Variants in SLC22A11 observed in about 807,000 individuals in gnomAD.
The protein encoded by SLC22A11 is solute carrier family 22 member 11.
A neutral mutation model predicts 49.4 loss-of-function variants in SLC22A11; 42 were observed. The observed-to-expected ratio is 0.85, with a 90% CI of 0.66 to 1.10. The LOEUF is 1.10. SLC22A11 is among the 50% of genes least tolerant of loss of function. The probability of loss-of-function intolerance (pLI) is 0.00; values close to 1 mark genes in which losing one functional copy is unlikely to be tolerated. For missense variants in SLC22A11, 685 were observed against 731.6 expected, an observed-to-expected ratio of 0.94 and a Z score of 0.74; for synonymous variants, 304 against 315.8, an observed-to-expected ratio of 0.96 and a Z score of 0.40.
intron 2 of SLC22A11, among the ~76,000 whole-genome samples, chr11:64,559,466 G>C (rs1015194756): frequency 1.3e-5 from 2 of 151,908 alleles, no homozygotes; most frequent in Non-Finnish European, 2.9e-5. Context: ...TCACAGGGAG[G>C]CCACCCCAGG....
Position 64,571,420 on chromosome 11 carries a change from A to T in SLC22A11, c.*378A>T, listed in dbSNP as rs2038702110. 1 of 211,786 alleles carries T rather than the reference A, an allele frequency of 4.7e-6. No individual in the cohort carries two copies. The highest frequency in any genetic ancestry group is 9.5e-6 in the Non-Finnish European group (1 of 104,934). 13.1% of individuals were successfully genotyped at this position (211,786 alleles called of 1,614,324 possible). On this transcript the variant is annotated 3_prime_UTR_variant, in exon 10 of 10. Coordinates refer to ENST00000301891, the MANE Select transcript of SLC22A11 (RefSeq NM_018484.4). ...TCACCCCACCACATACAGAGCCCTC[A>T]TCTGTGAAATGAGAATGATCACGTG...
intron 6 of SLC22A11, 106 bp from the exon 7 acceptor site, chr11:64,567,493 G>A (rs556776712): frequency 1.1e-5 from 11 of 1,004,262 alleles, no homozygotes; most frequent in African/African-American, 3.2e-5. Context: ...ATTGTCCTCC[G>A]GGGTTGGCCA....
intron 2 of SLC22A11, 51 bp from the exon 3 acceptor site, chr11:64,561,953 A>C (rs777447197): frequency 6.4e-7 from 1 of 1,561,930 alleles, no homozygotes; most frequent in Non-Finnish European, 8.7e-7. Flanking sequence ...CCACATATCC[A>C]CGTCCTCAGG....
At chr11:64,560,797 T>A (rs1290765298) in intron 2 of SLC22A11, among the ~76,000 whole-genome samples, 1 of 152,170 alleles carries the variant, frequency 6.6e-6, no homozygotes, top group African/African-American at 2.4e-5. Context: ...CACGCAGTCA[T>A]TATTTCATGA....
intron 2 of SLC22A11, among the ~76,000 whole-genome samples, chr11:64,561,599 GCTAA>G (rs2038544908): frequency 6.7e-6 from 1 of 150,034 alleles, no homozygotes; most frequent in African/African-American, 2.5e-5. Context: ...CAGACACCTG[GCTAA>G]TTTATTTATT....
rs2038603032 is a variant in SLC22A11, at chr11:64,564,978, T to C, written c.943-244T>C. On this transcript the variant is annotated intron_variant, in intron 5 of 9. Transcript: ENST00000301891. This position sits in a 1 kb window ranked among gnomAD's most constrained non-coding sequence, Gnocchi z 4.2. ...ATGGGGTCGGAGGATAAGGGAAGGC[T>C]TCCAGAAGGAGGCAAGCTAGAGCTG... is the stretch of plus-strand genomic sequence containing the variant. 6.6e-6 allele frequency among the ~76,000 whole-genome samples: 1 copy of C among 152,158 alleles called. No individual in the cohort carries two copies. The highest frequency in any genetic ancestry group is 1.5e-5 in the Non-Finnish European group (1 of 68,014).
chr11:64,565,129 G>C lies in SLC22A11; in HGVS notation c.943-93G>C, dbSNP rs980518059. On this transcript the variant is annotated intron_variant, in intron 5 of 9. Transcript: ENST00000301891. The surrounding 1 kb of genome is among the most constrained non-coding windows in gnomAD (Gnocchi z 4.1). The stretch of plus-strand genomic sequence containing the variant: ...GGCCGAGGCCCAGGACAGGCTCCCC[G>C]TCACTCTGGCCACTTGGACACTGTT... 7 of 1,012,810 alleles carry C rather than the reference G, an allele frequency of 6.9e-6. No homozygotes were observed. The highest frequency in any genetic ancestry group is 1.0e-5 in the Non-Finnish European group (7 of 695,908). 62.7% of individuals were successfully genotyped at this position (1,012,810 alleles called of 1,614,324 possible).
chr11:64,565,128 C>T lies in SLC22A11; in HGVS notation c.943-94C>T, dbSNP rs536042638. 97 of 999,680 alleles carry T rather than the reference C, an allele frequency of 9.7e-5. No homozygotes were observed. The East Asian group carries it at 2.0e-3, about 21-fold the overall frequency. 61.9% of individuals were successfully genotyped at this position (999,680 alleles called of 1,614,324 possible). A position where few individuals can be genotyped will look rare whatever the true frequency, so the allele number is the denominator to read the frequency against. ...AGGCCGAGGCCCAGGACAGGCTCCC[C>T]GTCACTCTGGCCACTTGGACACTGT... On this transcript the variant is annotated intron_variant, in intron 5 of 9. Coordinates refer to ENST00000301891, the MANE Select transcript of SLC22A11 (RefSeq NM_018484.4). This position sits in a 1 kb window ranked among gnomAD's most constrained non-coding sequence, Gnocchi z 4.1.
In SLC22A11 at chr11:64,562,309, C is replaced by T. The variant is rs116034381; in HGVS notation, c.695C>T (p.Thr232Met). 2.4e-4 allele frequency: 393 copies of T among 1,610,532 alleles called. 1 individual carries two copies. The African/African-American group carries it at 4.1e-3, about 17-fold the overall frequency. The change falls in exon 4 of 10, where the codon ACG becomes ATG. Residue 232 changes from threonine (T) to methionine (M), a missense_variant. Thr to Met is a moderately conservative substitution (Grantham distance 81, BLOSUM62 -1). Coordinates refer to ENST00000301891, the MANE Select transcript of SLC22A11 (RefSeq NM_018484.4). The surrounding 1 kb of genome is among the most constrained non-coding windows in gnomAD (Gnocchi z 4.4). ...ACCAGCAGGAGGGCGGTCACCATGA[C>T]GGTGGTGGGATGTGCCTTCAGCGCA... is the stretch of plus-strand genomic sequence containing the variant. ...TTTSRRAVTM[T>M]VVGCAFSAGQ... is the part of the protein sequence containing the mutation.
At chr11:64,556,435 G>A (rs755912220) in intron 1 of SLC22A11, 43 bp downstream of exon 1, 2 of 1,596,740 alleles carry the variant, frequency 1.3e-6, no homozygotes, top group South Asian at 2.2e-5. Flanking sequence ...TCACCTTGGA[G>A]GTCAGAGTCA....
intron 7 of SLC22A11, among the ~76,000 whole-genome samples, 187 bp from the exon 8 acceptor site, chr11:64,568,483 C>A (rs2038659701): frequency 6.6e-6 from 1 of 152,240 alleles, no homozygotes; most frequent in African/African-American, 2.4e-5. Flanking sequence ...CGGGCCCCTG[C>A]CGCGATATCG....
In SLC22A11 at chr11:64,567,748, C is replaced by T; in HGVS notation, c.1208C>T (p.Thr403Ile). 6.2e-7 allele frequency: 1 copy of T among 1,613,180 alleles called. No homozygotes were observed. Among genetic ancestry groups the T allele is most frequent in the Non-Finnish European group, 8.5e-7 (1 of 1,179,908 alleles). ...ALLLSFLGRR[T>I]IQAGSQAMAG... Reference sequence around the variant, plus strand: ...TTGCTCAGTTTCCTTGGCCGCCGCACCATCCAGGCGGGTTCCCAGGCCATG... The same window carrying T: ...TTGCTCAGTTTCCTTGGCCGCCGCATCATCCAGGCGGGTTCCCAGGCCATG... The change falls in exon 7 of 10, where the codon ACC (threonine) becomes ATC (isoleucine). Residue 403 changes from threonine (T) to isoleucine (I), a missense_variant. Transcript: ENST00000301891.
rs748468147 is a variant in SLC22A11, at chr11:64,572,578, C to T, written c.*1536C>T. On this transcript the variant is annotated 3_prime_UTR_variant, in exon 10 of 10. Coordinates refer to ENST00000301891, the MANE Select transcript of SLC22A11 (RefSeq NM_018484.4). Reference sequence around the variant, plus strand: ...CACAGCTCCCAAATCCACCTACTTCCCTTCACTCTGGCTACACCCTGGTTC... The same window carrying T: ...CACAGCTCCCAAATCCACCTACTTCTCTTCACTCTGGCTACACCCTGGTTC... 2.6e-5 allele frequency: 4 copies of T among 152,496 alleles called. No homozygotes were observed. Among genetic ancestry groups the T allele is most frequent in the Non-Finnish European group, 4.4e-5 (3 of 68,260 alleles). 9.4% of individuals were successfully genotyped at this position (152,496 alleles called of 1,614,324 possible). A position where few individuals can be genotyped will look rare whatever the true frequency, so the allele number is the denominator to read the frequency against.
At position 64,571,147 on chromosome 11, in the gene SLC22A11, C is replaced by A; in HGVS notation, c.*105C>A. On this transcript the variant is annotated 3_prime_UTR_variant, in exon 10 of 10. Coordinates refer to ENST00000301891, the MANE Select transcript of SLC22A11 (RefSeq NM_018484.4). The stretch of plus-strand genomic sequence containing the variant: ...GAGTTGGGCGACTTCAAGGGCCTGG[C>A]ATGGCAGAGGCCAGGCAGCCGTGGC... 1 of 1,290,374 alleles carries A rather than the reference C, an allele frequency of 7.7e-7. No homozygotes were observed. Among genetic ancestry groups the A allele is most frequent in the South Asian group, 1.2e-5 (1 of 81,344 alleles). The allele number at this position is 1,290,374 out of a possible 1,614,324, so 79.9% of individuals were successfully genotyped here. A position where few individuals can be genotyped will look rare whatever the true frequency, so the allele number is the denominator to read the frequency against.
chr11:64,567,816 G>GA lies in SLC22A11; in HGVS notation c.1273+4dup. On this transcript the variant is annotated splice_donor_region_variant and intron_variant, in intron 7 of 9. Transcript: ENST00000301891. ...AGCCAACATGCTGGTGCCGCAAGGTGAGGCAGGCGGACTGGGCGGTGGGAC... is the reference window on the plus strand; with the variant it reads ...AGCCAACATGCTGGTGCCGCAAGGTGAAGGCAGGCGGACTGGGCGGTGGGAC... The GA allele has an allele frequency of 6.3e-7, 1 of 1,576,684 alleles. No individual in the cohort carries two copies. The highest frequency in any genetic ancestry group is 8.6e-7 in the Non-Finnish European group (1 of 1,163,778).
chr11:64,557,924 A>C (rs2038486753), intron 1 of SLC22A11, among the ~76,000 whole-genome samples: 1 of 151,514 alleles, frequency 6.6e-6, no homozygotes, highest in Non-Finnish European at 1.5e-5. Flanking sequence ...CAGCCTCCCG[A>C]GTAGCTGGAA....
chr11:64,572,814 G>A lies in SLC22A11; in HGVS notation c.*1772G>A, dbSNP rs2038721043. The A allele has an allele frequency of 6.6e-6, 1 of 152,166 alleles. No individual in the cohort carries two copies. The highest frequency in any genetic ancestry group is 1.5e-5 in the Non-Finnish European group (1 of 68,028). 9.4% of individuals were successfully genotyped at this position (152,166 alleles called of 1,614,324 possible). A position where few individuals can be genotyped will look rare whatever the true frequency, so the allele number is the denominator to read the frequency against. ...CCTCCCACTTCGGTAAATTTTAAAG[G>A]ATTCGGATCATACAAAGAATGTTCT... On this transcript the variant is annotated 3_prime_UTR_variant, in exon 10 of 10. Coordinates refer to ENST00000301891, the MANE Select transcript of SLC22A11 (RefSeq NM_018484.4).
chr11:64,559,002 GC>G, intron 1 of SLC22A11, 132 bp from the exon 2 acceptor site: 1 of 739,316 alleles, frequency 1.4e-6, no homozygotes, highest in Non-Finnish European at 2.4e-6. Context: ...CCCATGGCCA[GC>G]AGGTCCTCTC....
At chr11:64,569,510 GA>G in intron 8 of SLC22A11, 141 bp from the exon 9 acceptor site, 1 of 804,602 alleles carries the variant, frequency 1.2e-6, no homozygotes, top group Admixed American at 2.5e-5. Context: ...GGGCTCCGTG[GA>G]GGAGGTGGCA....
Sources: gnomAD v4.1 joint callset for allele counts (sites outside exome capture counted in the v4.1 genomes callset) on GRCh38, gnomAD v4.1.1 for gene constraint, Gnocchi (gnomAD v3.1) non-coding constraint, MANE v1.5 for transcripts, NCBI Gene and HGNC (gene_info 2026-07-23, HGNC 2026-07-21) for gene names.